The following CSMD1 variants were observed in gnomAD, a reference collection of about 807,000 sequenced individuals.
The protein encoded by CSMD1 is CUB and Sushi multiple domains 1.
In CSMD1, 213 loss-of-function variants were observed where a neutral mutation model predicts 417.5. The ratio of observed to expected loss-of-function variants is 0.51; its 90% CI spans 0.46 to 0.57. The LOEUF (loss-of-function observed/expected upper bound fraction) is 0.57. CSMD1 is among the 20% of genes least tolerant of loss of function. The pLI is 0.00. For missense variants in CSMD1, 6,923 were observed against 4,529.7 expected (o/e 1.53, Z -15.17); for synonymous variants, 2,862 against 1,736.8 (o/e 1.65, Z -16.11).
chr8:4,179,473 C>A (rs1289527070), intron 3 of CSMD1, among the ~76,000 whole-genome samples: 1 of 151,368 alleles, frequency 6.6e-6, no homozygotes, highest in African/African-American at 2.4e-5. Context: ...ACCATAAAAA[C>A]CCTAGAAGAA....
At chr8:4,790,074 C>G (rs369563552) in intron 1 of CSMD1, among the ~76,000 whole-genome samples, 4 of 152,108 alleles carry the variant, frequency 2.6e-5, no homozygotes, top group Non-Finnish European at 4.4e-5. Context: ...GGAAAACATT[C>G]GATGAGTTTT....
At chr8:3,488,140 T>C in intron 11 of CSMD1, among the ~76,000 whole-genome samples, 1 of 150,950 alleles carries the variant, frequency 6.6e-6, no homozygotes, top group East Asian at 1.9e-4. Context: ...TCTTGCTCTG[T>C]TGCTCAGGCT....
At chr8:4,738,471 T>C (rs1179452008) in intron 1 of CSMD1, among the ~76,000 whole-genome samples, 4 of 152,024 alleles carry the variant, frequency 2.6e-5, no homozygotes, top group Admixed American at 1.3e-4. Flanking sequence ...GAGAACAAAC[T>C]TGCTATCAGG....
rs1804619126 is a variant in CSMD1, at chr8:2,973,278, C to G, written c.8762G>C (p.Gly2921Ala). Residue 2921 changes from glycine to alanine, a missense_variant, in exon 57 of 70, where the codon GGT becomes GCT. By Grantham distance (60) the Gly-to-Ala change is moderately conservative. Transcript: ENST00000635120. Reference sequence around the variant, plus strand: ...CCCATGTGCTGGGGTCCCCGGATCACCACAGAATCCAGGATTATTTCCTAT... The same window carrying G: ...CCCATGTGCTGGGGTCCCCGGATCAGCACAGAATCCAGGATTATTTCCTAT... ...HCTGNNPGFCGDPGTPAHGSR... is the reference protein window; with the variant it reads ...HCTGNNPGFCADPGTPAHGSR... 6.2e-7 allele frequency: 1 copy of G among 1,613,906 alleles called. No individual in the cohort carries two copies. The highest frequency in any genetic ancestry group is 2.2e-5 in the East Asian group (1 of 44,886).
intron 23 of CSMD1, among the ~76,000 whole-genome samples, chr8:3,329,355 G>A (rs1806741628): frequency 1.3e-5 from 2 of 151,982 alleles, no homozygotes; most frequent in Non-Finnish European, 1.5e-5. Context: ...GCGTGACAGA[G>A]CCCAGTTCTG....
chr8:3,540,470 G>A (rs765131050), intron 10 of CSMD1, among the ~76,000 whole-genome samples: 5 of 152,090 alleles, frequency 3.3e-5, no homozygotes, highest in East Asian at 1.9e-4. Flanking sequence ...ACATAGTCAC[G>A]GGCAACGAAT....
intron 1 of CSMD1, among the ~76,000 whole-genome samples, chr8:4,695,266 C>T (rs1023380017): frequency 1.3e-5 from 2 of 152,186 alleles, no homozygotes; most frequent in African/African-American, 2.4e-5. Context: ...TCTACCAAAA[C>T]CTCTCTCTCT....
chr8:4,062,221 T>C (rs1370083033), intron 3 of CSMD1, among the ~76,000 whole-genome samples: 2 of 152,058 alleles, frequency 1.3e-5, no homozygotes, highest in Non-Finnish European at 2.9e-5. Context: ...ACGGGCCAGG[T>C]TCACACAAGT....
At chr8:3,493,963 T>TA (rs1244283263) in intron 10 of CSMD1, among the ~76,000 whole-genome samples, 10 of 152,332 alleles carry the variant, frequency 6.6e-5, no homozygotes, top group African/African-American at 2.4e-4. Flanking sequence ...TTTTCACCTC[T>TA]AAAAATGAAA....
intron 2 of CSMD1, among the ~76,000 whole-genome samples, chr8:4,630,162 C>T (rs1034625884): frequency 2.6e-5 from 4 of 152,076 alleles, no homozygotes; most frequent in Non-Finnish European, 4.4e-5. Context: ...CATAGTATTG[C>T]AAACATAATT....
intron 4 of CSMD1, among the ~76,000 whole-genome samples, chr8:4,016,499 G>T (rs369759756): frequency 6.6e-6 from 1 of 152,110 alleles, no homozygotes; most frequent in African/African-American, 2.4e-5. Flanking sequence ...TGGAGGACAA[G>T]GAGGTCCAAG....
intron 3 of CSMD1, among the ~76,000 whole-genome samples, chr8:4,347,918 G>A (rs1467704950): frequency 6.6e-6 from 1 of 152,000 alleles, no homozygotes; most frequent in Non-Finnish European, 1.5e-5. Flanking sequence ...AAATAAACAA[G>A]GATAAAATAG....
At chr8:3,169,616 C>T (rs1585541954) in intron 37 of CSMD1, among the ~76,000 whole-genome samples, 1 of 152,164 alleles carries the variant, frequency 6.6e-6, no homozygotes, top group East Asian at 1.9e-4. Flanking sequence ...TACTTAATAC[C>T]ACTGAACTGT....
chr8:3,865,345 C>T (rs1414705007), intron 5 of CSMD1, among the ~76,000 whole-genome samples: 1 of 152,186 alleles, frequency 6.6e-6, no homozygotes, highest in Non-Finnish European at 1.5e-5. Context: ...CTGAAATGCT[C>T]TTGCTGGTAT....
chr8:4,172,783 A>G (rs980326151), intron 3 of CSMD1, among the ~76,000 whole-genome samples: 6 of 152,174 alleles, frequency 3.9e-5, no homozygotes, highest in Non-Finnish European at 8.8e-5. Context: ...TTACCCACAG[A>G]GAAGCCTATC....
intron 49 of CSMD1, among the ~76,000 whole-genome samples, chr8:3,085,138 G>C (rs917436867): frequency 4.6e-5 from 7 of 152,086 alleles, no homozygotes; most frequent in African/African-American, 1.7e-4. Context: ...CAGGCTCACA[G>C]AAAGACTGAA....
chr8:4,204,382 T>C (rs6983253), intron 3 of CSMD1, among the ~76,000 whole-genome samples: 28 of 152,174 alleles, frequency 1.8e-4, no homozygotes, highest in African/African-American at 6.5e-4. Context: ...CATTTGATCA[T>C]CTGTTCTACA....
intron 1 of CSMD1, among the ~76,000 whole-genome samples, chr8:4,886,987 A>T (rs1165298638): frequency 6.6e-6 from 1 of 152,014 alleles, no homozygotes; most frequent in African/African-American, 2.4e-5. Context: ...TTTTCTGCTC[A>T]ACTCTTATAT....
Position 4,446,717 on chromosome 8 carries a change from TTGTGTGTGTGTGTGTCTGTGTG to T in CSMD1, c.303-26674_303-26653del, listed in dbSNP as rs1484091341. The stretch of plus-strand genomic sequence containing the variant: ...ACTCGTGCCCACCACCATGCCTGAG[TTGTGTGTGTGTGTGTCTGTGTG>T]TGTGTGTGTGTGTGTCTGTGTGTGT... On this transcript the variant is annotated intron_variant, in intron 2 of 69. Transcript: ENST00000635120. Among the ~76,000 whole-genome samples the T allele has an allele frequency of 6.6e-4, 95 of 144,540 alleles. 1 individual carries two copies. The highest frequency in any genetic ancestry group is 1.1e-3 in the African/African-American group (41 of 37,580). The allele number at this position is 144,540 out of a possible 152,430, so 94.8% of individuals were successfully genotyped here.
Sources: allele counts gnomAD v4.1 joint callset (sites outside exome capture counted in the v4.1 genomes callset), GRCh38; gene constraint gnomAD v4.1.1; transcripts MANE v1.5; gene names NCBI Gene and HGNC (gene_info 2026-07-23, HGNC 2026-07-21).